Variants in IFITM10 observed in about 807,000 individuals in gnomAD.
IFITM10 encodes interferon-induced transmembrane protein 10.
IFITM10 carries 17 observed loss-of-function variants against 19.0 expected under a neutral mutation model. The observed-to-expected ratio is 0.90, with a 90% CI of 0.61 to 1.34. The LOEUF (loss-of-function observed/expected upper bound fraction) is 1.34. Among genes scored for constraint, IFITM10 ranks in the 40% most tolerant of loss-of-function variants. IFITM10 has a pLI of 0.00. For missense variants in IFITM10, 306 were observed against 319.8 expected (o/e 0.96, Z 0.33); for synonymous variants, 148 against 147.2 (o/e 1.01, Z -0.04).
chr11:1,741,754 G>A (rs944143711), intron 2 of IFITM10, among the ~76,000 whole-genome samples: 1 of 152,156 alleles, frequency 6.6e-6, no homozygotes, highest in Non-Finnish European at 1.5e-5. Context: ...GGATGAAAGG[G>A]CAATGTTATG....
intron 2 of IFITM10, among the ~76,000 whole-genome samples, chr11:1,741,200 A>G (rs1173889325): frequency 6.6e-6 from 1 of 152,018 alleles, no homozygotes; most frequent in Admixed American, 6.6e-5. Context: ...AAGGGAGTGA[A>G]CATGAAGGAA....
chr11:1,742,116 T>A (rs540722306), intron 2 of IFITM10, among the ~76,000 whole-genome samples: 108 of 152,178 alleles, frequency 7.1e-4, no homozygotes, highest in African/African-American at 2.5e-3. Flanking sequence ...GGCAGGTGAA[T>A]GGGATACCTG....
intron 2 of IFITM10, chr11:1,746,011 C>G (rs920534113): frequency 6.6e-6 from 1 of 152,096 alleles, no homozygotes; most frequent in African/African-American, 2.4e-5. Context: ...TACATACAGA[C>G]AGTACACAGG....
chr11:1,738,132 T>C (rs1349471905), intron 2 of IFITM10, among the ~76,000 whole-genome samples: 1 of 151,940 alleles, frequency 6.6e-6, no homozygotes, highest in Non-Finnish European at 1.5e-5. Flanking sequence ...GAGAAATGGA[T>C]GTAGAAACTT....
chr11:1,747,018 CAG>C (rs1329475777), intron 2 of IFITM10, among the ~76,000 whole-genome samples: 2 of 152,156 alleles, frequency 1.3e-5, no homozygotes, highest in Admixed American at 1.3e-4. Flanking sequence ...ACCTTGCCCT[CAG>C]GGGGACAGGG....
At chr11:1,736,068 A>G (rs1851083803) in intron 2 of IFITM10, among the ~76,000 whole-genome samples, 1 of 152,104 alleles carries the variant, frequency 6.6e-6, no homozygotes, top group South Asian at 2.1e-4. Context: ...AGAATGAATT[A>G]TAGGGCCCTC....
At chr11:1,739,251 C>T (rs140419688) in intron 2 of IFITM10, among the ~76,000 whole-genome samples, 1 of 151,896 alleles carries the variant, frequency 6.6e-6, no homozygotes, top group Non-Finnish European at 1.5e-5. Flanking sequence ...TGGGACAGAT[C>T]CATATGCTGA....
chr11:1,741,745 G>A (rs1421161353), intron 2 of IFITM10, among the ~76,000 whole-genome samples: 1 of 152,154 alleles, frequency 6.6e-6, no homozygotes, highest in Non-Finnish European at 1.5e-5. Context: ...CATATAAGTG[G>A]ATGAAAGGGC....
At chr11:1,741,483 G>A (rs1405350171) in intron 2 of IFITM10, among the ~76,000 whole-genome samples, 1 of 152,108 alleles carries the variant, frequency 6.6e-6, no homozygotes, top group Non-Finnish European at 1.5e-5. Context: ...TGATGGCTGG[G>A]AGTTGGGTGA....
chr11:1,739,626 A>T lies in IFITM10; in HGVS notation c.538-4197T>A, dbSNP rs1851124484. Among the ~76,000 whole-genome samples, 5 of 152,086 alleles carry T rather than the reference A, an allele frequency of 3.3e-5. No individual in the cohort carries two copies. In the South Asian group the frequency reaches 1.0e-3, roughly 32 times the overall value. ...GAACAGAGAGTGCTGTGGGAGGTGCAAGTCTAGCTTGGTGGCCAGGCTCAG... is the reference window on the plus strand; with the variant it reads ...GAACAGAGAGTGCTGTGGGAGGTGCTAGTCTAGCTTGGTGGCCAGGCTCAG... On this transcript the variant is annotated intron_variant, in intron 2 of 2. Coordinates refer to ENST00000340134, the MANE Select transcript of IFITM10 (RefSeq NM_001170820.4).
Position 1,748,101 on chromosome 11 carries a change from A to G in IFITM10, c.103T>C (p.Cys35Arg). The change falls in exon 2 of 3, where the codon TGC (cysteine) becomes CGC (arginine). Residue 35 changes from cysteine to arginine, a missense_variant. Coordinates refer to ENST00000340134, the MANE Select transcript of IFITM10 (RefSeq NM_001170820.4). ...GCCGGGTCTCCCAGCGGGGCTGGGC[A>G]CTGGCCGGGGCCCTGGGCCTGGAGA... ...WELEAQGPGQ[C>R]PAPLGDPAST... 3 of 1,399,756 alleles carry G rather than the reference A, an allele frequency of 2.1e-6. No homozygotes were observed. The highest frequency in any genetic ancestry group is 2.8e-6 in the Non-Finnish European group (3 of 1,084,708). The allele number at this position is 1,399,756 out of a possible 1,614,324, so 86.7% of individuals were successfully genotyped here.
chr11:1,746,264 G>A (rs954044207), intron 2 of IFITM10: 2 of 254,058 alleles, frequency 7.9e-6, no homozygotes, highest in Middle Eastern at 1.1e-3. Flanking sequence ...GCCCACCCAC[G>A]TAATTACACA....
intron 2 of IFITM10, chr11:1,746,548 G>T: frequency 2.5e-6 from 1 of 398,640 alleles, no homozygotes; most frequent in Non-Finnish European, 4.4e-6. Flanking sequence ...AGGTGCCCGT[G>T]CCAGTGGGCA....
At chr11:1,747,635 C>T (rs982313988) in intron 2 of IFITM10, 32 bp downstream of exon 2, 21 of 1,541,558 alleles carry the variant, frequency 1.4e-5, no homozygotes, top group African/African-American at 5.5e-5. Flanking sequence ...CTCTCTAGCC[C>T]GCCCTTGCCC....
At position 1,732,430 on chromosome 11, in the gene IFITM10, T is replaced by G. The variant is rs1851037858; in HGVS notation, c.*2850A>C. 1 of 152,244 alleles carries G rather than the reference T, an allele frequency of 6.6e-6. No homozygotes were observed. The highest frequency in any genetic ancestry group is 6.5e-5 in the Admixed American group (1 of 15,280). The allele number at this position is 152,244 out of a possible 1,614,324, so 9.4% of individuals were successfully genotyped here. Reference sequence around the variant, plus strand: ...ATTGATTCTTTCGTTCGTACAATGTTTATTGAATGTCAAATGTCTGCCAGG... The same window carrying G: ...ATTGATTCTTTCGTTCGTACAATGTGTATTGAATGTCAAATGTCTGCCAGG... On this transcript the variant is annotated 3_prime_UTR_variant, in exon 3 of 3. Coordinates refer to ENST00000340134, the MANE Select transcript of IFITM10 (RefSeq NM_001170820.4).
At chr11:1,746,607 G>C (rs1487193280) in intron 2 of IFITM10, 1 of 398,506 alleles carries the variant, frequency 2.5e-6, no homozygotes, top group African/African-American at 2.1e-5. Flanking sequence ...GGGGAACGCC[G>C]ACCGCAGTTG....
At chr11:1,749,214 C>CTGCTCT in intron 1 of IFITM10, 1 of 500,674 alleles carries the variant, frequency 2.0e-6, no homozygotes, top group Non-Finnish European at 2.6e-6. Context: ...CCAGACCGGC[C>CTGCTCT]GCGCGGCTGC....
intron 1 of IFITM10, chr11:1,749,024 A>G: frequency 9.4e-7 from 1 of 1,069,374 alleles, no homozygotes; most frequent in Non-Finnish European, 1.1e-6. Flanking sequence ...CCTACAAGCG[A>G]CTCCTCGGCG....
intron 2 of IFITM10, chr11:1,745,519 C>G (rs377697764): frequency 6.5e-6 from 1 of 152,700 alleles, no homozygotes; most frequent in Non-Finnish European, 1.5e-5. Flanking sequence ...CCACCACACA[C>G]ACATGCTCTC....
Sources: gnomAD v4.1 joint callset for allele counts (sites outside exome capture counted in the v4.1 genomes callset) on GRCh38, gnomAD v4.1.1 for gene constraint, MANE v1.5 for transcripts, NCBI Gene and HGNC (gene_info 2026-07-23, HGNC 2026-07-21) for gene names.